The following RBMS3 variants were observed in gnomAD, a reference collection of about 807,000 sequenced individuals.
RBMS3 encodes RNA-binding motif, single-stranded-interacting protein 3.
In RBMS3, 27 loss-of-function variants were observed where a neutral mutation model predicts 66.8. That is an observed-to-expected ratio of 0.40 (90% confidence interval 0.30 to 0.56). The LOEUF is 0.56. RBMS3 is among the 20% of genes least tolerant of loss of function. The pLI, the probability that RBMS3 is intolerant of heterozygous loss-of-function variation, is 0.40. For missense variants in RBMS3, 513 were observed against 549.5 expected (o/e 0.93, Z 0.66); for synonymous variants, 188 against 183.0 (o/e 1.03, Z -0.22).
chr3:29,480,362 A>G (rs921599361), intron 2 of RBMS3, among the ~76,000 whole-genome samples: 11 of 152,216 alleles, frequency 7.2e-5, no homozygotes, highest in African/African-American at 2.7e-4. Context: ...TGGATATTGT[A>G]GCACCAAAAC....
At chr3:29,582,806 T>C (rs2149086696) in intron 3 of RBMS3, among the ~76,000 whole-genome samples, 1 of 152,302 alleles carries the variant, frequency 6.6e-6, no homozygotes, top group East Asian at 1.9e-4. Context: ...TTCATTTTGC[T>C]TTCTTCTGAT....
chr3:29,784,273 T>G (rs886777118), intron 6 of RBMS3, among the ~76,000 whole-genome samples: 12 of 151,902 alleles, frequency 7.9e-5, no homozygotes, highest in African/African-American at 2.9e-4. Flanking sequence ...TGGAGCATTC[T>G]CCAAGATAGA....
intron 1 of RBMS3, among the ~76,000 whole-genome samples, chr3:29,372,058 A>G (rs949730046): frequency 9.9e-5 from 15 of 152,206 alleles, no homozygotes; most frequent in Admixed American, 8.5e-4. Context: ...CCTGGTAAGT[A>G]GGGGGAAGAG....
chr3:29,962,038 T>C (rs1184217396), intron 12 of RBMS3, among the ~76,000 whole-genome samples: 1 of 144,566 alleles, frequency 6.9e-6, no homozygotes, highest in Non-Finnish European at 1.5e-5. Context: ...GTATGTATAA[T>C]ATATTATATA....
At chr3:29,969,515 C>A (rs71321115) in intron 12 of RBMS3, among the ~76,000 whole-genome samples, 2 of 152,180 alleles carry the variant, frequency 1.3e-5, no homozygotes, top group East Asian at 3.9e-4. Context: ...TCTATGTCCT[C>A]TCTATCATGG....
chr3:29,801,272 C>CTTTTCTTTTT (rs1553672567), intron 6 of RBMS3, among the ~76,000 whole-genome samples: 28 of 129,478 alleles, frequency 2.2e-4, no homozygotes, highest in African/African-American at 7.8e-4. Flanking sequence ...TGCTTTTTTT[C>CTTTTCTTTTT]TTTTTTTTTT....
At chr3:29,631,462 G>T (rs1005252992) in intron 4 of RBMS3, among the ~76,000 whole-genome samples, 1 of 151,684 alleles carries the variant, frequency 6.6e-6, no homozygotes, top group African/African-American at 2.4e-5. Flanking sequence ...GAAATAAGGC[G>T]TTCAAATTTC....
intron 3 of RBMS3, among the ~76,000 whole-genome samples, chr3:29,527,407 T>G (rs2045171184): frequency 6.6e-6 from 1 of 152,076 alleles, no homozygotes; most frequent in Non-Finnish European, 1.5e-5. Flanking sequence ...AAATTAAGCT[T>G]CAGAATCAGG....
intron 8 of RBMS3, among the ~76,000 whole-genome samples, chr3:29,888,346 G>A (rs982052393): frequency 6.6e-6 from 1 of 151,526 alleles, no homozygotes; most frequent in African/African-American, 2.4e-5. Context: ...CTAATATCAT[G>A]TAATAAATAA....
chr3:29,550,431 A>T (rs1484663562), intron 3 of RBMS3, among the ~76,000 whole-genome samples: 1 of 152,204 alleles, frequency 6.6e-6, no homozygotes, highest in Non-Finnish European at 1.5e-5. Context: ...TATAAAAAGT[A>T]TTCATTGCTC....
intron 1 of RBMS3, among the ~76,000 whole-genome samples, chr3:29,376,492 C>T (rs533533042): frequency 2.6e-5 from 4 of 152,084 alleles, no homozygotes; most frequent in South Asian, 2.1e-4. Context: ...CAATGTGGGC[C>T]GGGTGCGGTG....
At position 29,550,473 on chromosome 3, in the gene RBMS3, T is replaced by G. The variant is rs6794931; in HGVS notation, c.308-36641T>G. On this transcript the variant is annotated intron_variant, in intron 3 of 14. Coordinates refer to ENST00000383767, the MANE Select transcript of RBMS3 (RefSeq NM_001003793.3). ...AGTTCAATGTTTTAGAAAAATGATT[T>G]AGTGTAATAATAGTATAAAAAGTTT... Among the ~76,000 whole-genome samples the G allele has an allele frequency of 2.6e-3, 391 of 152,282 alleles. 3 individuals are homozygous for G. Among genetic ancestry groups the G allele is most frequent in the African/African-American group, 8.5e-3 (352 of 41,564 alleles).
intron 6 of RBMS3, among the ~76,000 whole-genome samples, chr3:29,807,023 A>G (rs1203590578): frequency 6.6e-6 from 1 of 151,916 alleles, no homozygotes; most frequent in Non-Finnish European, 1.5e-5. Flanking sequence ...ATGCATTATT[A>G]ATCTGTAAGA....
chr3:29,543,446 C>T (rs988904213), intron 3 of RBMS3, among the ~76,000 whole-genome samples: 12 of 152,156 alleles, frequency 7.9e-5, no homozygotes, highest in South Asian at 2.1e-4. Flanking sequence ...AGGTGGCTAA[C>T]GCCTGTAATC....
chr3:29,744,804 G>T (rs1490318359), intron 5 of RBMS3, among the ~76,000 whole-genome samples: 1 of 149,614 alleles, frequency 6.7e-6, no homozygotes, highest in Non-Finnish European at 1.5e-5. Context: ...AAAAAAAAGT[G>T]CTTATTTAAT....
chr3:29,447,038 G>C (rs2041858242), intron 2 of RBMS3, among the ~76,000 whole-genome samples: 1 of 148,432 alleles, frequency 6.7e-6, no homozygotes, highest in Non-Finnish European at 1.5e-5. Flanking sequence ...TCAGTCTCCT[G>C]AGTAGCTGGG....
chr3:29,381,945 A>G (rs1253429127), intron 1 of RBMS3, among the ~76,000 whole-genome samples: 1 of 152,002 alleles, frequency 6.6e-6, no homozygotes, highest in Admixed American at 6.6e-5. Flanking sequence ...CCTTCCCTGT[A>G]TATCTCTTTC....
chr3:29,283,277 C>G (rs1169190563), intron 1 of RBMS3, among the ~76,000 whole-genome samples: 1 of 152,166 alleles, frequency 6.6e-6, no homozygotes, highest in Non-Finnish European at 1.5e-5. Flanking sequence ...AAAAATTACA[C>G]TTTGTTTCGG....
intron 3 of RBMS3, among the ~76,000 whole-genome samples, chr3:29,517,540 G>A (rs1380406777): frequency 2.0e-5 from 3 of 152,030 alleles, no homozygotes; most frequent in Non-Finnish European, 4.4e-5. Flanking sequence ...AGCCAGGATG[G>A]TTTCGATCTC....
Sources: allele counts gnomAD v4.1 joint callset (sites outside exome capture counted in the v4.1 genomes callset), GRCh38; gene constraint gnomAD v4.1.1; transcripts MANE v1.5; gene names NCBI Gene and HGNC (gene_info 2026-07-23, HGNC 2026-07-21).